ARHGAP19: variants seen among roughly 807,000 people sequenced by gnomAD.
ARHGAP19 encodes Rho GTPase activating protein 19.
Under a neutral mutation model 60.9 loss-of-function variants are expected in ARHGAP19, and 48 were observed. The ratio of observed to expected loss-of-function variants is 0.79; its 90% CI spans 0.62 to 1.00. The LOEUF (loss-of-function observed/expected upper bound fraction) is 1.00. ARHGAP19 is among the 50% of genes least tolerant of loss of function. ARHGAP19 has a pLI of 0.00. For synonymous variants in ARHGAP19, 209 were observed against 215.5 expected (o/e 0.97, Z 0.27); for missense variants, 562 against 597.2 (o/e 0.94, Z 0.61).
At chr10:97,228,379 T>C (rs1267141246) in intron 11 of ARHGAP19, among the ~76,000 whole-genome samples, 2 of 152,212 alleles carry the variant, frequency 1.3e-5, no homozygotes, top group Non-Finnish European at 2.9e-5. Context: ...TTGTTAATGA[T>C]TTAACAATGA....
chr10:97,264,252 G>A (rs1024462566), intron 3 of ARHGAP19, among the ~76,000 whole-genome samples: 1 of 152,136 alleles, frequency 6.6e-6, no homozygotes, highest in Non-Finnish European at 1.5e-5. Flanking sequence ...AGTAGTTCAA[G>A]ACAAGCCTAG....
At chr10:97,251,413 AGGAAG>A (rs1842657978) in intron 6 of ARHGAP19, among the ~76,000 whole-genome samples, 2 of 16,110 alleles carry the variant, frequency 1.2e-4, no homozygotes, top group African/African-American at 5.7e-4. Context: ...GGGAAGGGAA[AGGAAG>A]GGGAAGGGAA....
At chr10:97,242,364 G>C (rs377670912) in intron 8 of ARHGAP19, among the ~76,000 whole-genome samples, 1 of 83,818 alleles carries the variant, frequency 1.2e-5, no homozygotes, top group Non-Finnish European at 2.2e-5. Flanking sequence ...ACGGGGTTTC[G>C]CTCTTGTTGC....
intron 6 of ARHGAP19, among the ~76,000 whole-genome samples, chr10:97,249,877 A>G (rs978583161): frequency 6.7e-6 from 1 of 150,136 alleles, no homozygotes; most frequent in African/African-American, 2.5e-5. Context: ...CAGCTCACTG[A>G]AAGCTCCACC....
chr10:97,264,177 C>A (rs1451092554), intron 3 of ARHGAP19, among the ~76,000 whole-genome samples: 1 of 152,186 alleles, frequency 6.6e-6, no homozygotes, highest in Non-Finnish European at 1.5e-5. Flanking sequence ...CTAGGCCAGG[C>A]TCAATGGCTC....
At position 97,263,786 on chromosome 10, in the gene ARHGAP19, A is replaced by G. The variant is rs532237758; in HGVS notation, c.404-157T>C. ...TTTTCACCAGGGTAGTTTAGAACCT[A>G]TTGACCTCCTGAGGAGACATATCTG... On this transcript the variant is annotated intron_variant, in intron 3 of 11. Transcript: ENST00000358531. 1.3e-4 allele frequency among the ~76,000 whole-genome samples: 20 copies of G among 152,298 alleles called. 1 individual carries two copies. In the South Asian group the frequency reaches 4.1e-3, roughly 32 times the overall value.
At chr10:97,271,050 A>T (rs1397463265) in intron 1 of ARHGAP19, among the ~76,000 whole-genome samples, 1 of 152,368 alleles carries the variant, frequency 6.6e-6, no homozygotes, top group Non-Finnish European at 1.5e-5. Context: ...ATTTAAAAAC[A>T]TTAAAAAACA....
chr10:97,251,330 A>G (rs1842651928), intron 6 of ARHGAP19, among the ~76,000 whole-genome samples: 4 of 28,362 alleles, frequency 1.4e-4, no homozygotes, highest in African/African-American at 1.5e-4. Flanking sequence ...GGGAAGGGGA[A>G]AGGGAAAGGA....
At chr10:97,230,380 A>T (rs1244346661) in intron 9 of ARHGAP19, among the ~76,000 whole-genome samples, 1 of 152,114 alleles carries the variant, frequency 6.6e-6, no homozygotes, top group African/African-American at 2.4e-5. Flanking sequence ...GACATTCTAT[A>T]AGAGTTCCTA....
At chr10:97,280,651 T>C (rs373962179) in intron 1 of ARHGAP19, among the ~76,000 whole-genome samples, 31 of 152,030 alleles carry the variant, frequency 2.0e-4, no homozygotes, top group Middle Eastern at 6.8e-3. Flanking sequence ...TGTGCAATCA[T>C]AGTTCACTTC....
At chr10:97,270,857 A>G (rs1218858386) in intron 1 of ARHGAP19, among the ~76,000 whole-genome samples, 1 of 152,272 alleles carries the variant, frequency 6.6e-6, no homozygotes, top group African/African-American at 2.4e-5. Context: ...GTATTTGCCA[A>G]TGCATAGATG....
intron 10 of ARHGAP19, 118 bp from the exon 11 acceptor site, chr10:97,229,343 T>A: frequency 9.6e-6 from 8 of 829,490 alleles, no homozygotes; most frequent in Non-Finnish European, 1.6e-5. Flanking sequence ...CTGAGACTGA[T>A]GTATTTATAT....
chr10:97,228,028 A>G (rs1408901589), intron 11 of ARHGAP19, among the ~76,000 whole-genome samples: 1 of 152,254 alleles, frequency 6.6e-6, no homozygotes. Context: ...ATTCATGGAC[A>G]TACAGAAATA....
rs536544040 is a variant in ARHGAP19, at chr10:97,247,661, G to A, written c.928-1324C>T. Among the ~76,000 whole-genome samples, 3 of 152,040 alleles carry A rather than the reference G, an allele frequency of 2.0e-5. No individual in the cohort carries two copies. The South Asian group carries it at 6.2e-4, about 32-fold the overall frequency. ...AAGGAAGGGAGAGGAGGCAGGGAGG[G>A]AAAGAAAGGAAGGAACAGAGGGAAA... On this transcript the variant is annotated intron_variant, in intron 6 of 11. Coordinates refer to ENST00000358531, the MANE Select transcript of ARHGAP19 (RefSeq NM_032900.6).
intron 1 of ARHGAP19, among the ~76,000 whole-genome samples, chr10:97,274,645 T>G (rs774124292): frequency 3.3e-5 from 5 of 152,276 alleles, no homozygotes; most frequent in Middle Eastern, 3.4e-3. Flanking sequence ...TGACGTTTCA[T>G]GACAAATTTT....
chr10:97,286,666 T>C (rs577833016), intron 1 of ARHGAP19, among the ~76,000 whole-genome samples: 13 of 152,364 alleles, frequency 8.5e-5, no homozygotes, highest in South Asian at 4.1e-4. Context: ...TAACAAGACA[T>C]AGAACCCTTT....
chr10:97,227,777 T>A (rs1850925398), intron 11 of ARHGAP19, among the ~76,000 whole-genome samples: 1 of 152,176 alleles, frequency 6.6e-6, no homozygotes, highest in African/African-American at 2.4e-5. Flanking sequence ...GCATCAACAA[T>A]ACCGGGAACT....
intron 1 of ARHGAP19, among the ~76,000 whole-genome samples, chr10:97,266,558 T>C (rs1842901374): frequency 6.6e-6 from 1 of 152,186 alleles, no homozygotes; most frequent in Admixed American, 6.5e-5. Context: ...TCCCTGTTCT[T>C]TGTTTCCCAA....
intron 6 of ARHGAP19, among the ~76,000 whole-genome samples, chr10:97,250,895 G>A (rs1466130843): frequency 1.3e-5 from 2 of 151,682 alleles, no homozygotes; most frequent in African/African-American, 4.8e-5. Flanking sequence ...GTAGTACCCT[G>A]TCACCACAAA....
Sources: allele counts gnomAD v4.1 joint callset (sites outside exome capture counted in the v4.1 genomes callset), GRCh38; gene constraint gnomAD v4.1.1; transcripts MANE v1.5; gene names NCBI Gene and HGNC (gene_info 2026-07-23, HGNC 2026-07-21).